CAMK1D: variants seen among roughly 807,000 people sequenced by gnomAD.
CAMK1D encodes the protein calcium/calmodulin-dependent protein kinase type 1D.
In CAMK1D, 9 loss-of-function variants were observed where a neutral mutation model predicts 47.7. The ratio of observed to expected loss-of-function variants is 0.19; its 90% confidence interval spans 0.11 to 0.33. The LOEUF (loss-of-function observed/expected upper bound fraction) is 0.33, where lower values mean the gene tolerates loss of function less well. CAMK1D is among the 10% of genes least tolerant of loss of function. The pLI is 1.00. For synonymous variants in CAMK1D, 184 were observed against 184.9 expected, an observed-to-expected ratio of 0.99 and a Z score of 0.04; for missense variants, 291 against 488.7, an observed-to-expected ratio of 0.60 and a Z score of 3.81.
At position 12,666,750 on chromosome 10, in the gene CAMK1D, A is replaced by G; in HGVS notation, c.239A>G (p.Asn80Ser). The change falls in exon 3 of 11, where the codon AAT becomes AGT. Residue 80 changes from asparagine (N) to serine (S), a missense_variant. Transcript: ENST00000619168. ...TTTTTTTTCAGGATTAAGCATGAAA[A>G]TATTGTTGCCCTGGAAGACATTTAT... ...IAVLRKIKHENIVALEDIYES... is the reference protein window; with the variant it reads ...IAVLRKIKHESIVALEDIYES... 1.2e-6 allele frequency: 2 copies of G among 1,613,604 alleles called. No individual in the cohort carries two copies. The highest frequency in any genetic ancestry group is 1.7e-6 in the Non-Finnish European group (2 of 1,179,578).
At chr10:12,595,845 G>A (rs1217544120) in intron 2 of CAMK1D, among the ~76,000 whole-genome samples, 5 of 152,306 alleles carry the variant, frequency 3.3e-5, no homozygotes, top group East Asian at 3.9e-4. Context: ...TGGCATTTTT[G>A]TATTGCACTG....
chr10:12,553,139 C>T (rs1836642127), intron 1 of CAMK1D, 86 bp from the exon 2 acceptor site: 1 of 1,589,852 alleles, frequency 6.3e-7, no homozygotes, highest in Non-Finnish European at 8.6e-7. Flanking sequence ...TTATTGTTTA[C>T]TCAAACTTCG....
chr10:12,467,863 T>C (rs866939942), intron 1 of CAMK1D, among the ~76,000 whole-genome samples: 1 of 152,216 alleles, frequency 6.6e-6, no homozygotes, highest in African/African-American at 2.4e-5. Flanking sequence ...GTTTTTTAAA[T>C]GGAATTTTTT....
At chr10:12,652,935 G>A (rs1457339581) in intron 2 of CAMK1D, among the ~76,000 whole-genome samples, 1 of 152,136 alleles carries the variant, frequency 6.6e-6, no homozygotes, top group African/African-American at 2.4e-5. Context: ...GAAAGAATAC[G>A]GTGTCTTAGT....
intron 2 of CAMK1D, among the ~76,000 whole-genome samples, chr10:12,591,189 G>A (rs1255065029): frequency 6.6e-6 from 1 of 152,138 alleles, no homozygotes; most frequent in East Asian, 1.9e-4. Flanking sequence ...GTGGGCAATG[G>A]CCAGATCTTA....
At chr10:12,412,710 AAAAG>A (rs1839705387) in intron 1 of CAMK1D, among the ~76,000 whole-genome samples, 1 of 151,164 alleles carries the variant, frequency 6.6e-6, no homozygotes, top group South Asian at 2.1e-4. Flanking sequence ...AAAAAAAAAA[AAAAG>A]AGTGGAACAG....
intron 1 of CAMK1D, among the ~76,000 whole-genome samples, chr10:12,433,028 C>A (rs950801252): frequency 3.3e-5 from 5 of 152,214 alleles, no homozygotes; most frequent in Admixed American, 2.0e-4. Flanking sequence ...GAACCACAGA[C>A]TGTGCCCAGA....
At chr10:12,421,728 G>T (rs896115410) in intron 1 of CAMK1D, among the ~76,000 whole-genome samples, 1 of 150,978 alleles carries the variant, frequency 6.6e-6, no homozygotes, top group South Asian at 2.1e-4. Flanking sequence ...GTTTTGCAAG[G>T]TTGGCCAGGC....
intron 3 of CAMK1D, among the ~76,000 whole-genome samples, chr10:12,727,369 C>T (rs975690026): frequency 3.3e-5 from 5 of 152,184 alleles, no homozygotes; most frequent in Admixed American, 6.5e-5. Context: ...GCTTATGTAA[C>T]GATATTTCTC....
intron 2 of CAMK1D, among the ~76,000 whole-genome samples, chr10:12,585,867 A>C (rs955051832): frequency 3.3e-5 from 5 of 152,198 alleles, no homozygotes; most frequent in Non-Finnish European, 7.3e-5. Flanking sequence ...CACTCCATGG[A>C]GGCTTCTGGA....
chr10:12,362,561 C>G (rs2724803), intron 1 of CAMK1D, among the ~76,000 whole-genome samples: 136,431 of 152,202 alleles, frequency 0.9, 61,275 homozygotes, highest in Non-Finnish European at 0.91. Context: ...GCAGTGGCGC[C>G]ATCTCAGCTC....
At chr10:12,746,172 G>A (rs2130859932) in intron 3 of CAMK1D, among the ~76,000 whole-genome samples, 1 of 152,114 alleles carries the variant, frequency 6.6e-6, no homozygotes, top group East Asian at 1.9e-4. Context: ...AGATCATCCT[G>A]GCTAACACGG....
At chr10:12,657,192 C>T (rs1467459882) in intron 2 of CAMK1D, among the ~76,000 whole-genome samples, 1 of 151,932 alleles carries the variant, frequency 6.6e-6, no homozygotes, top group Non-Finnish European at 1.5e-5. Flanking sequence ...TTTGGGAGGC[C>T]GAGGCAGGCT....
chr10:12,696,136 G>A (rs535194108), intron 3 of CAMK1D, among the ~76,000 whole-genome samples: 1 of 152,136 alleles, frequency 6.6e-6, no homozygotes, highest in East Asian at 1.9e-4. Context: ...GACCTCTTTG[G>A]AAATCTTGCC....
intron 1 of CAMK1D, among the ~76,000 whole-genome samples, chr10:12,527,446 C>G (rs1296466411): frequency 2.6e-5 from 4 of 151,132 alleles, no homozygotes; most frequent in African/African-American, 9.8e-5. Flanking sequence ...CCTCCGCCTC[C>G]CAGGTTCAAG....
intron 2 of CAMK1D, among the ~76,000 whole-genome samples, chr10:12,623,127 T>TCTTCCCTCCCTTCCTCCCTTCCTC (rs1249875257): frequency 1.9e-5 from 1 of 53,018 alleles, no homozygotes; most frequent in African/African-American, 6.4e-5. Flanking sequence ...CTTCTTTCCT[T>TCTTCCCTCCCTTCCTCCCTTCCTC]CCTCCCTCCC....
chr10:12,533,579 C>T (rs2132226351), intron 1 of CAMK1D, among the ~76,000 whole-genome samples: 2 of 152,232 alleles, frequency 1.3e-5, no homozygotes, highest in East Asian at 3.9e-4. Flanking sequence ...GTCTTTAGTG[C>T]CATTATTATA....
chr10:12,703,591 G>A (rs986228533), intron 3 of CAMK1D, among the ~76,000 whole-genome samples: 3 of 152,212 alleles, frequency 2.0e-5, no homozygotes, highest in African/African-American at 7.2e-5. Context: ...TGAGTGGGCC[G>A]GGCGCGGTGG....
At chr10:12,556,379 C>T (rs2768344) in intron 2 of CAMK1D, among the ~76,000 whole-genome samples, 117,131 of 152,116 alleles carry the variant, frequency 0.77, 45,750 homozygotes, top group East Asian at 0.87. Context: ...TGGGAGCTCA[C>T]AGTTTTGTCA....
Sources: allele counts gnomAD v4.1 joint callset (sites outside exome capture counted in the v4.1 genomes callset), GRCh38; gene constraint gnomAD v4.1.1; transcripts MANE v1.5; gene names NCBI Gene and HGNC (gene_info 2026-07-23, HGNC 2026-07-21).